Variants in CFTR observed in about 807,000 individuals in gnomAD.
CFTR encodes the protein CF transmembrane conductance regulator.
CFTR carries 181 observed loss-of-function variants against 171.6 expected under a neutral mutation model. The ratio of observed to expected loss-of-function variants is 1.05; its 90% CI spans 0.93 to 1.19. The LOEUF (loss-of-function observed/expected upper bound fraction) is 1.19, where lower values mean the gene tolerates loss of function less well. Among genes scored for constraint, CFTR ranks in the 50% most tolerant of loss-of-function variants. CFTR has a pLI of 0.00. For synonymous variants in CFTR, 583 were observed against 608.0 expected (o/e 0.96, Z 0.60); for missense variants, 1,968 against 1,734.7 (o/e 1.13, Z -2.39).
At chr7:117,662,048 A>G (rs945547112) in intron 24 of CFTR, among the ~76,000 whole-genome samples, 58 of 150,874 alleles carry the variant, frequency 3.8e-4, no homozygotes, top group African/African-American at 1.4e-3. Context: ...TAACATTTCT[A>G]TCAGTGTTAG....
intron 10 of CFTR, among the ~76,000 whole-genome samples, chr7:117,558,929 C>G (rs1024800905): frequency 1.3e-5 from 2 of 152,130 alleles, no homozygotes; most frequent in Admixed American, 1.3e-4. Context: ...TTATATAAAT[C>G]TTTGTTCACT....
At chr7:117,550,886 A>T (rs1019095462) in intron 10 of CFTR, among the ~76,000 whole-genome samples, 1 of 152,206 alleles carries the variant, frequency 6.6e-6, no homozygotes, top group Non-Finnish European at 1.5e-5. Context: ...TTACTAACTC[A>T]ATCTAGGAGG....
intron 3 of CFTR, among the ~76,000 whole-genome samples, chr7:117,509,388 A>C (rs1798477282): frequency 6.6e-6 from 1 of 152,172 alleles, no homozygotes; most frequent in South Asian, 2.1e-4. Context: ...GCTTGCTTAA[A>C]AAATTATTTT....
intron 3 of CFTR, among the ~76,000 whole-genome samples, chr7:117,518,405 A>G (rs1049225021): frequency 2.0e-5 from 3 of 147,104 alleles, no homozygotes. Context: ...AATAATTTAT[A>G]TATATGATTA....
At chr7:117,665,614 A>G (rs1793362533) in intron 26 of CFTR, 50 bp downstream of exon 26, 3 of 1,144,142 alleles carry the variant, frequency 2.6e-6, no homozygotes. Context: ...GTAATTCTTG[A>G]TAACAATCTC....
chr7:117,584,346 G>A (rs996257451), intron 11 of CFTR, among the ~76,000 whole-genome samples: 1 of 152,128 alleles, frequency 6.6e-6, no homozygotes, highest in Non-Finnish European at 1.5e-5. Context: ...GTTAATTTTT[G>A]TATAAGGTGA....
chr7:117,578,455 G>A (rs747966300), intron 11 of CFTR, among the ~76,000 whole-genome samples: 4 of 152,078 alleles, frequency 2.6e-5, no homozygotes, highest in Non-Finnish European at 4.4e-5. Flanking sequence ...TATGTTATCA[G>A]TAAGGCTTCT....
At position 117,606,679 on chromosome 7, in the gene CFTR, A is replaced by C; in HGVS notation, c.2914A>C (p.Ile972Leu). The part of the protein sequence containing the change: ...STLNTLKAGG[I>L]LNRFSKDIAI... Reference sequence around the variant, plus strand: ...TGTCATCTTGTATATTATAGGTGGGATTCTTAATAGATTCTCCAAAGATAT... The same window carrying C: ...TGTCATCTTGTATATTATAGGTGGGCTTCTTAATAGATTCTCCAAAGATAT... The change falls in exon 18 of 27, where the codon ATT becomes CTT. Residue 972 changes from isoleucine (I) to leucine (L), a missense_variant. By Grantham distance (5) the Ile-to-Leu change is conservative. Coordinates refer to ENST00000003084, the MANE Select transcript of CFTR (RefSeq NM_000492.4). 6.5e-7 allele frequency: 1 copy of C among 1,547,714 alleles called. No individual in the cohort carries two copies. Among genetic ancestry groups the C allele is most frequent in the Non-Finnish European group, 8.9e-7 (1 of 1,120,012 alleles).
intron 6 of CFTR, among the ~76,000 whole-genome samples, 168 bp downstream of exon 6, chr7:117,535,579 G>C (rs1798940807): frequency 6.8e-6 from 1 of 147,866 alleles, no homozygotes; most frequent in Admixed American, 6.7e-5. Context: ...ACCCAGGCTG[G>C]AGTGCAGTGG....
intron 21 of CFTR, among the ~76,000 whole-genome samples, chr7:117,621,381 G>A (rs1330290920): frequency 6.6e-6 from 1 of 152,168 alleles, no homozygotes; most frequent in East Asian, 1.9e-4. Flanking sequence ...TTTGTGGGCT[G>A]TATCGTCTTT....
chr7:117,616,819 A>G (rs937474784), intron 21 of CFTR, among the ~76,000 whole-genome samples: 2 of 152,192 alleles, frequency 1.3e-5, no homozygotes, highest in African/African-American at 4.8e-5. Context: ...ATCAAAGCTA[A>G]TATGTGAGTG....
chr7:117,623,132 A>T (rs935336482), intron 21 of CFTR, among the ~76,000 whole-genome samples: 1 of 152,178 alleles, frequency 6.6e-6, no homozygotes, highest in Non-Finnish European at 1.5e-5. Flanking sequence ...TTTGGGCTAA[A>T]CTCTAATATA....
chr7:117,482,281 G>A (rs1281909341), intron 1 of CFTR, among the ~76,000 whole-genome samples: 2 of 152,090 alleles, frequency 1.3e-5, no homozygotes, highest in Non-Finnish European at 2.9e-5. Flanking sequence ...TTCAGTTTGA[G>A]AGTCATAAAA....
intron 22 of CFTR, among the ~76,000 whole-genome samples, chr7:117,628,237 ATT>A (rs1364778798): frequency 6.6e-6 from 1 of 151,948 alleles, no homozygotes; most frequent in African/African-American, 2.4e-5. Flanking sequence ...GACATAGATT[ATT>A]TTTTCCCAGT....
chr7:117,552,708 A>C (rs575468262), intron 10 of CFTR, among the ~76,000 whole-genome samples: 94 of 152,196 alleles, frequency 6.2e-4, no homozygotes, highest in African/African-American at 2.1e-3. Context: ...TTCTCTCTAT[A>C]TATATAATCA....
At chr7:117,612,006 GATATATATATATATATGTATATATAT>G (rs1384413256) in intron 20 of CFTR, among the ~76,000 whole-genome samples, 198 bp downstream of exon 20, 1 of 76,796 alleles carries the variant, frequency 1.3e-5, no homozygotes, top group Non-Finnish European at 2.6e-5. Flanking sequence ...CTTGAAATCG[GATATATATATATATATGTATATATAT>G]ATATATATAT....
Position 117,551,012 on chromosome 7 carries a change from C to T in CFTR, c.1392+2189C>T, listed in dbSNP as rs1166754272. On this transcript the variant is annotated intron_variant, in intron 10 of 26. Coordinates refer to ENST00000003084, the MANE Select transcript of CFTR (RefSeq NM_000492.4). The stretch of plus-strand genomic sequence containing the variant: ...ATTAACATTTTAAGTTAAATCTTAC[C>T]CACTCAATACAATTTGGTAATTTGT... Among the ~76,000 whole-genome samples the T allele has an allele frequency of 2.0e-5, 3 of 152,026 alleles. No individual in the cohort carries two copies. The East Asian group carries it at 5.8e-4, about 29-fold the overall frequency.
intron 3 of CFTR, among the ~76,000 whole-genome samples, chr7:117,512,020 T>C (rs1012090015): frequency 6.6e-6 from 1 of 152,222 alleles, no homozygotes; most frequent in Non-Finnish European, 1.5e-5. Context: ...GAAACTACTG[T>C]AACACTTCTC....
At chr7:117,635,213 T>C (rs1792806704) in intron 22 of CFTR, among the ~76,000 whole-genome samples, 2 of 152,142 alleles carry the variant, frequency 1.3e-5, no homozygotes, top group South Asian at 4.1e-4. Flanking sequence ...CCCTCATTAT[T>C]TCCTCGCCCT....
Sources: allele counts gnomAD v4.1 joint callset (sites outside exome capture counted in the v4.1 genomes callset), GRCh38; gene constraint gnomAD v4.1.1; transcripts MANE v1.5; gene names NCBI Gene and HGNC (gene_info 2026-07-23, HGNC 2026-07-21).